SMAP1: variants seen among roughly 807,000 people sequenced by gnomAD.
SMAP1 encodes the protein stromal membrane-associated protein 1.
SMAP1 carries 24 observed loss-of-function variants against 58.5 expected under a neutral mutation model. That is an observed-to-expected ratio of 0.41 (90% CI 0.30 to 0.58). SMAP1 has a LOEUF of 0.58. SMAP1 is among the 20% of genes least tolerant of loss of function. The pLI, the probability that SMAP1 is intolerant of heterozygous loss-of-function variation, is 0.29. For synonymous variants in SMAP1, 216 were observed against 196.6 expected (o/e 1.10, Z -0.82); for missense variants, 563 against 566.3 (o/e 0.99, Z 0.06).
chr6:70,720,772 G>A (rs899679851), intron 1 of SMAP1, among the ~76,000 whole-genome samples: 8 of 152,034 alleles, frequency 5.3e-5, no homozygotes, highest in Admixed American at 1.3e-4. Flanking sequence ...TGGCTGGAGC[G>A]GAGAGGCTGG....
chr6:70,721,427 C>G (rs1768523141), intron 1 of SMAP1, among the ~76,000 whole-genome samples: 1 of 152,190 alleles, frequency 6.6e-6, no homozygotes, highest in Non-Finnish European at 1.5e-5. Context: ...CAGCCTGGAC[C>G]TTATTGTCTA....
intron 6 of SMAP1, among the ~76,000 whole-genome samples, chr6:70,833,223 G>A (rs1333205548): frequency 2.0e-5 from 3 of 151,968 alleles, no homozygotes; most frequent in Admixed American, 1.3e-4. Context: ...AAAATAGTGA[G>A]GTTAATTTCT....
intron 6 of SMAP1, among the ~76,000 whole-genome samples, chr6:70,803,212 A>C (rs553483583): frequency 6.6e-5 from 10 of 152,156 alleles, no homozygotes; most frequent in South Asian, 6.2e-4. Flanking sequence ...GATTCAACTT[A>C]TTCCTGGTTT....
At chr6:70,815,812 A>G (rs1225186720) in intron 6 of SMAP1, among the ~76,000 whole-genome samples, 3 of 152,016 alleles carry the variant, frequency 2.0e-5, no homozygotes, top group Non-Finnish European at 4.4e-5. Context: ...GTATTTGTGT[A>G]TGTTTGTGTA....
intron 1 of SMAP1, among the ~76,000 whole-genome samples, chr6:70,729,458 GTT>G (rs796272578): frequency 2.8e-5 from 1 of 35,412 alleles, no homozygotes; most frequent in African/African-American, 8.7e-5. Flanking sequence ...AAAAAAGAAG[GTT>G]GTGTGTGTGT....
chr6:70,770,625 T>A (rs1244821038), intron 3 of SMAP1, among the ~76,000 whole-genome samples: 6 of 152,188 alleles, frequency 3.9e-5, no homozygotes, highest in Non-Finnish European at 1.5e-5. Flanking sequence ...CTTCTCTATA[T>A]TGGTTATTCT....
chr6:70,782,278 A>G (rs1019694753), intron 4 of SMAP1, among the ~76,000 whole-genome samples: 5 of 152,230 alleles, frequency 3.3e-5, no homozygotes, highest in East Asian at 1.9e-4. Context: ...TAGCAAGCCA[A>G]TGAACTTTCA....
At position 70,836,970 on chromosome 6, in the gene SMAP1, T is replaced by TA; in HGVS notation, c.613dup (p.Ser205LysfsTer5). The TA allele has an allele frequency of 3.1e-6, 5 of 1,601,240 alleles. No homozygotes were observed. Among genetic ancestry groups the TA allele is most frequent in the Admixed American group, 1.7e-5 (1 of 58,978 alleles). ...AGAAGAAAGATCAGCAACTGGAGCC[T>TA]AAAAAAAGTACCAGCCCTAAAAAAG... is the stretch of plus-strand genomic sequence containing the variant. On this transcript the variant is annotated frameshift_variant, in exon 7 of 11. Transcript: ENST00000370455. LOFTEE classifies it high-confidence loss of function.
At chr6:70,759,456 T>G (rs1189347654) in intron 3 of SMAP1, among the ~76,000 whole-genome samples, 1 of 151,940 alleles carries the variant, frequency 6.6e-6, no homozygotes, top group Non-Finnish European at 1.5e-5. Flanking sequence ...GTTTCATCCT[T>G]TATGTGTTAC....
intron 1 of SMAP1, 69 bp downstream of exon 1, chr6:70,668,210 C>T: frequency 1.4e-6 from 2 of 1,389,452 alleles, no homozygotes; most frequent in Non-Finnish European, 2.0e-6. Context: ...GCCGCTGCGG[C>T]GCTCGGGGCC....
At chr6:70,772,954 A>G in intron 3 of SMAP1, 1 of 183,010 alleles carries the variant, frequency 5.5e-6, no homozygotes, top group Non-Finnish European at 1.1e-5. Flanking sequence ...TATGTACAGC[A>G]TATATAGTAT....
At position 70,837,691 on chromosome 6, in the gene SMAP1, T is replaced by C. The variant is rs907419450; in HGVS notation, c.664+663T>C. ...CTCTTTTTTTTTTTTTACATTTTTT[T>C]CTTCTAAAAGAATTGGCTTGATGAA... On this transcript the variant is annotated intron_variant, in intron 7 of 10. Coordinates refer to ENST00000370455, the MANE Select transcript of SMAP1 (RefSeq NM_001044305.3). The C allele has an allele frequency of 7.0e-6, 5 of 709,504 alleles. No homozygotes were observed. The Admixed American group carries it at 2.2e-4, about 31-fold the overall frequency. 44.0% of individuals were successfully genotyped at this position (709,504 alleles called of 1,614,324 possible).
chr6:70,698,602 C>T (rs1385151676), intron 1 of SMAP1, among the ~76,000 whole-genome samples: 1 of 152,132 alleles, frequency 6.6e-6, no homozygotes, highest in Non-Finnish European at 1.5e-5. Flanking sequence ...TTTGTCTCTT[C>T]TGACTGTATT....
At chr6:70,850,597 TTCC>T (rs1771148890) in intron 7 of SMAP1, among the ~76,000 whole-genome samples, 1 of 151,820 alleles carries the variant, frequency 6.6e-6, no homozygotes, top group African/African-American at 2.4e-5. Flanking sequence ...AATAAAGTGC[TTCC>T]TCAATTCATG....
At chr6:70,806,528 C>G (rs781611616) in intron 6 of SMAP1, among the ~76,000 whole-genome samples, 3 of 152,294 alleles carry the variant, frequency 2.0e-5, no homozygotes, top group Non-Finnish European at 4.4e-5. Context: ...CCAACCAGTC[C>G]CAGTGAGATG....
chr6:70,678,755 A>G (rs919373737), intron 1 of SMAP1, among the ~76,000 whole-genome samples: 6 of 152,124 alleles, frequency 3.9e-5, no homozygotes, highest in African/African-American at 1.4e-4. Flanking sequence ...TCCTTGGCTC[A>G]TGGCTCCTTC....
intron 3 of SMAP1, among the ~76,000 whole-genome samples, chr6:70,756,547 G>A (rs1180972621): frequency 6.6e-6 from 1 of 152,092 alleles, no homozygotes; most frequent in Non-Finnish European, 1.5e-5. Context: ...ATGGAGGTAT[G>A]AGAGAACATG....
At chr6:70,704,657 CACA>C (rs1157223109) in intron 1 of SMAP1, among the ~76,000 whole-genome samples, 1 of 152,006 alleles carries the variant, frequency 6.6e-6, no homozygotes, top group East Asian at 1.9e-4. Context: ...TAATATATTC[CACA>C]GTTGTATTTG....
intron 6 of SMAP1, among the ~76,000 whole-genome samples, chr6:70,827,366 G>C (rs147249567): frequency 7.4e-4 from 113 of 152,300 alleles, no homozygotes; most frequent in Non-Finnish European, 1.5e-3. Flanking sequence ...AAACTTAACT[G>C]TCCTGAATAT....
Sources: gnomAD v4.1 joint callset for allele counts (sites outside exome capture counted in the v4.1 genomes callset) on GRCh38, gnomAD v4.1.1 for gene constraint, MANE v1.5 for transcripts, NCBI Gene and HGNC (gene_info 2026-07-23, HGNC 2026-07-21) for gene names.